The following RIT2 variants were observed in gnomAD, a reference collection of about 807,000 sequenced individuals.
RIT2 encodes Ras like without CAAX 2.
In RIT2, 24 loss-of-function variants were observed where a neutral mutation model predicts 23.7. The observed-to-expected ratio is 1.01, with a 90% CI of 0.73 to 1.43. The LOEUF is 1.43. Ranked by LOEUF, RIT2 falls within the 40% of genes most tolerant of loss-of-function variation. RIT2 has a pLI of 0.00. For synonymous variants in RIT2, 107 were observed against 91.1 expected (o/e 1.17, Z -0.99); for missense variants, 236 against 266.9 (o/e 0.88, Z 0.81).
intron 4 of RIT2, among the ~76,000 whole-genome samples, chr18:42,911,042 A>C (rs1251857815): frequency 6.6e-6 from 1 of 152,108 alleles, no homozygotes; most frequent in Non-Finnish European, 1.5e-5. Flanking sequence ...TCATGGTAAT[A>C]AAACAAACTT....
At chr18:43,093,692 A>G (rs1913478827) in intron 1 of RIT2, among the ~76,000 whole-genome samples, 1 of 151,992 alleles carries the variant, frequency 6.6e-6, no homozygotes, top group South Asian at 2.1e-4. Context: ...AGTGAAAAAG[A>G]GAAGAAATGA....
intron 3 of RIT2, among the ~76,000 whole-genome samples, chr18:42,953,830 T>A (rs184705187): frequency 6.6e-6 from 1 of 152,170 alleles, no homozygotes; most frequent in Non-Finnish European, 1.5e-5. Flanking sequence ...TACTTTAGAA[T>A]AATAGTAGAG....
chr18:42,977,209 A>G (rs1261381685), intron 2 of RIT2, among the ~76,000 whole-genome samples: 2 of 152,012 alleles, frequency 1.3e-5, no homozygotes, highest in African/African-American at 4.8e-5. Context: ...ATTCATGCCA[A>G]TCTTATTCTA....
At chr18:42,814,891 C>T (rs775595974) in intron 4 of RIT2, among the ~76,000 whole-genome samples, 8 of 152,238 alleles carry the variant, frequency 5.3e-5, no homozygotes, top group East Asian at 3.9e-4. Flanking sequence ...GCCTGGTAGA[C>T]GTGCTGGGTG....
intron 1 of RIT2, among the ~76,000 whole-genome samples, chr18:43,044,128 T>C (rs918421128): frequency 5.3e-5 from 8 of 152,004 alleles, no homozygotes; most frequent in Non-Finnish European, 7.4e-5. Context: ...AAAAGGGAGG[T>C]ACTAAGAATA....
intron 4 of RIT2, among the ~76,000 whole-genome samples, chr18:42,832,197 C>T (rs913865299): frequency 1.3e-5 from 2 of 152,098 alleles, no homozygotes; most frequent in African/African-American, 2.4e-5. Context: ...TGGTCCAGGG[C>T]GTGTCACTAG....
intron 2 of RIT2, among the ~76,000 whole-genome samples, chr18:43,026,255 C>G (rs971645047): frequency 6.6e-6 from 1 of 151,722 alleles, no homozygotes; most frequent in Admixed American, 6.6e-5. Context: ...ATGAGATTAC[C>G]TTAGAGATAA....
chr18:42,830,579 C>T (rs1289128136), intron 4 of RIT2, among the ~76,000 whole-genome samples: 2 of 152,132 alleles, frequency 1.3e-5, no homozygotes, highest in Non-Finnish European at 2.9e-5. Flanking sequence ...GGATCCGTAA[C>T]GTGTATAGAG....
chr18:42,925,169 C>T (rs1909149759), intron 3 of RIT2, among the ~76,000 whole-genome samples: 1 of 152,006 alleles, frequency 6.6e-6, no homozygotes, highest in Admixed American at 6.6e-5. Flanking sequence ...TCCTAACTTT[C>T]ACAATGTGAG....
intron 4 of RIT2, among the ~76,000 whole-genome samples, chr18:42,893,914 A>G (rs901007403): frequency 6.6e-6 from 1 of 152,226 alleles, no homozygotes; most frequent in African/African-American, 2.4e-5. Context: ...AACAATTGAC[A>G]CTGAAATGTG....
At chr18:42,780,935 A>G (rs547695785) in intron 4 of RIT2, among the ~76,000 whole-genome samples, 1 of 151,708 alleles carries the variant, frequency 6.6e-6, no homozygotes, top group South Asian at 2.1e-4. Flanking sequence ...AGATGGTACT[A>G]TTATCATCTC....
At chr18:42,998,342 G>A (rs905595747) in intron 2 of RIT2, among the ~76,000 whole-genome samples, 3 of 152,044 alleles carry the variant, frequency 2.0e-5, no homozygotes, top group African/African-American at 7.2e-5. Flanking sequence ...GGAACACTTT[G>A]CTCATAAGTA....
intron 4 of RIT2, among the ~76,000 whole-genome samples, chr18:42,880,185 A>T (rs1419858916): frequency 1.3e-5 from 2 of 152,078 alleles, no homozygotes; most frequent in Admixed American, 6.6e-5. Flanking sequence ...CTCGTATTAT[A>T]GGTTCTTCTT....
chr18:42,815,178 G>T (rs1024752162), intron 4 of RIT2, among the ~76,000 whole-genome samples: 11 of 152,052 alleles, frequency 7.2e-5, no homozygotes, highest in African/African-American at 1.4e-4. Context: ...AGAAATCCCC[G>T]ATTTACCTGA....
chr18:42,764,971 T>C (rs1308987766), intron 4 of RIT2, among the ~76,000 whole-genome samples: 1 of 152,244 alleles, frequency 6.6e-6, no homozygotes, highest in African/African-American at 2.4e-5. Context: ...CACTGTGGCT[T>C]ATTGAAGCCT....
intron 3 of RIT2, among the ~76,000 whole-genome samples, chr18:42,954,678 T>G (rs996629171): frequency 8.5e-5 from 13 of 152,112 alleles, no homozygotes; most frequent in Non-Finnish European, 1.2e-4. Flanking sequence ...TTTTTTAAAT[T>G]TTTTAAGGTC....
chr18:42,867,196 C>T (rs1170427179), intron 4 of RIT2, among the ~76,000 whole-genome samples: 1 of 152,036 alleles, frequency 6.6e-6, no homozygotes, highest in Non-Finnish European at 1.5e-5. Context: ...TGGCTGGTGA[C>T]AACAGGCTTT....
At chr18:42,982,275 T>A (rs1424651952) in intron 2 of RIT2, among the ~76,000 whole-genome samples, 3 of 152,102 alleles carry the variant, frequency 2.0e-5, no homozygotes, top group African/African-American at 7.2e-5. Context: ...CTGTCTCAGC[T>A]CTCAGAGAAA....
At chr18:42,993,296 C>T (rs977299835) in intron 2 of RIT2, among the ~76,000 whole-genome samples, 3 of 152,178 alleles carry the variant, frequency 2.0e-5, no homozygotes, top group Admixed American at 6.5e-5. Context: ...GAACTCTGGC[C>T]CAAGCCTCTC....
Sources: allele counts gnomAD v4.1 joint callset (sites outside exome capture counted in the v4.1 genomes callset), GRCh38; gene constraint gnomAD v4.1.1; transcripts MANE v1.5; gene names NCBI Gene and HGNC (gene_info 2026-07-23, HGNC 2026-07-21).